Variants in CNTNAP2 observed in about 807,000 individuals in gnomAD.
CNTNAP2 encodes the protein contactin-associated protein-like 2.
A neutral mutation model predicts 155.2 loss-of-function variants in CNTNAP2; 98 were observed. The ratio of observed to expected loss-of-function variants is 0.63; its 90% CI spans 0.54 to 0.75. The LOEUF is 0.75. CNTNAP2 is among the 30% of genes least tolerant of loss of function. The probability of loss-of-function intolerance (pLI) is 0.00; values close to 1 mark genes in which losing one functional copy is unlikely to be tolerated. For missense variants in CNTNAP2, 1,727 were observed against 1,688.1 expected (o/e 1.02, Z -0.40); for synonymous variants, 651 against 631.2 (o/e 1.03, Z -0.47).
intron 14 of CNTNAP2, among the ~76,000 whole-genome samples, chr7:147,963,848 C>T (rs1168799598): frequency 6.6e-6 from 1 of 152,064 alleles, no homozygotes; most frequent in East Asian, 1.9e-4. Flanking sequence ...CACCCAGATC[C>T]CTTGCTTGGA....
intron 11 of CNTNAP2, among the ~76,000 whole-genome samples, chr7:147,556,084 G>A (rs191527377): frequency 2.0e-5 from 3 of 152,180 alleles, no homozygotes; most frequent in East Asian, 1.9e-4. Flanking sequence ...CTGTCACATC[G>A]TCTGCTTGGG....
chr7:148,292,067 A>G (rs1429846480), intron 21 of CNTNAP2, among the ~76,000 whole-genome samples: 1 of 152,216 alleles, frequency 6.6e-6, no homozygotes, highest in Non-Finnish European at 1.5e-5. Flanking sequence ...GTCCCAGATC[A>G]GCACTAGCTA....
At chr7:146,270,066 T>C (rs1800056191) in intron 1 of CNTNAP2, among the ~76,000 whole-genome samples, 1 of 152,184 alleles carries the variant, frequency 6.6e-6, no homozygotes, top group Admixed American at 6.5e-5. Flanking sequence ...ATTTTACTCT[T>C]ATTGGGACCA....
chr7:147,278,812 GTAA>G (rs1028608967), intron 8 of CNTNAP2, among the ~76,000 whole-genome samples: 5 of 151,096 alleles, frequency 3.3e-5, no homozygotes, highest in Non-Finnish European at 7.4e-5. Context: ...ATAATGTTAA[GTAA>G]TAAAACTTGC....
chr7:146,904,998 G>C (rs1796088249), intron 3 of CNTNAP2, among the ~76,000 whole-genome samples: 1 of 152,130 alleles, frequency 6.6e-6, no homozygotes, highest in Non-Finnish European at 1.5e-5. Flanking sequence ...CACCAGCCTA[G>C]TGTTCCTCAA....
intron 3 of CNTNAP2, among the ~76,000 whole-genome samples, chr7:146,923,575 T>C (rs1211572391): frequency 2.0e-5 from 3 of 152,104 alleles, no homozygotes; most frequent in African/African-American, 7.2e-5. Context: ...GAAAGAAAAA[T>C]TGAATTCCCT....
chr7:146,997,099 T>C (rs1798326841), intron 3 of CNTNAP2, among the ~76,000 whole-genome samples: 1 of 152,154 alleles, frequency 6.6e-6, no homozygotes, highest in Non-Finnish European at 1.5e-5. Context: ...GTCTCAGGTA[T>C]ATCTTTATCA....
At chr7:147,535,677 C>T (rs962900685) in intron 11 of CNTNAP2, among the ~76,000 whole-genome samples, 8 of 152,102 alleles carry the variant, frequency 5.3e-5, no homozygotes, top group African/African-American at 1.2e-4. Flanking sequence ...CCTGGCTCCT[C>T]GGTGTCTCTG....
intron 11 of CNTNAP2, among the ~76,000 whole-genome samples, chr7:147,501,831 A>G (rs1798819350): frequency 6.6e-6 from 1 of 152,176 alleles, no homozygotes. Flanking sequence ...AACCCTACAG[A>G]CTCCACCAAA....
chr7:146,492,689 A>G (rs1206979333), intron 1 of CNTNAP2, among the ~76,000 whole-genome samples: 1 of 152,180 alleles, frequency 6.6e-6, no homozygotes, highest in African/African-American at 2.4e-5. Context: ...CAGTTGCTTT[A>G]TCTGTTTTTA....
In CNTNAP2 at chr7:146,847,804, T is replaced by G. The variant is rs151005726; in HGVS notation, c.402+7900T>G. 6.6e-3 allele frequency among the ~76,000 whole-genome samples: 999 copies of G among 152,210 alleles called. 2 individuals carry two copies. Among genetic ancestry groups the G allele is most frequent in the South Asian group, 0.013 (62 of 4,822 alleles). On this transcript the variant is annotated intron_variant, in intron 3 of 23. Coordinates refer to ENST00000361727, the MANE Select transcript of CNTNAP2 (RefSeq NM_014141.6). ...TGGGCCTACTTATTATCACATCGAG[T>G]CCTATGCCTTGTCATATGAATTGTG...
intron 12 of CNTNAP2, among the ~76,000 whole-genome samples, chr7:147,594,014 G>A (rs760458836): frequency 6.6e-6 from 1 of 152,152 alleles, no homozygotes; most frequent in Non-Finnish European, 1.5e-5. Context: ...AGAGACAGAC[G>A]CAGGGGTTGG....
chr7:147,353,962 T>C (rs996273556), intron 9 of CNTNAP2, among the ~76,000 whole-genome samples: 2 of 137,744 alleles, frequency 1.5e-5, no homozygotes, highest in African/African-American at 5.7e-5. Flanking sequence ...TCTGTTCATA[T>C]CCTTCGCCCA....
At chr7:146,303,102 GTGT>G (rs1800642066) in intron 1 of CNTNAP2, among the ~76,000 whole-genome samples, 2 of 150,780 alleles carry the variant, frequency 1.3e-5, no homozygotes, top group African/African-American at 5.0e-5. Flanking sequence ...GTGTGTGTGT[GTGT>G]GTGCGCATGC....
intron 12 of CNTNAP2, among the ~76,000 whole-genome samples, chr7:147,589,903 C>A (rs1800705608): frequency 6.6e-6 from 1 of 152,122 alleles, no homozygotes; most frequent in South Asian, 2.1e-4. Flanking sequence ...GGACTTTCAC[C>A]AGCAGCGTGG....
intron 2 of CNTNAP2, among the ~76,000 whole-genome samples, chr7:146,831,405 G>A (rs1294382119): frequency 5.3e-5 from 8 of 152,038 alleles, no homozygotes; most frequent in South Asian, 2.1e-4. Flanking sequence ...CAGGCCAGGC[G>A]TGGTGGCTCA....
At chr7:147,030,864 A>G (rs1355604325) in intron 3 of CNTNAP2, among the ~76,000 whole-genome samples, 1 of 152,186 alleles carries the variant, frequency 6.6e-6, no homozygotes, top group East Asian at 1.9e-4. Flanking sequence ...AGCCTGGGCT[A>G]CAGCGCAAGA....
intron 13 of CNTNAP2, among the ~76,000 whole-genome samples, chr7:147,862,147 A>G (rs6979332): frequency 0.6 from 91,778 of 151,936 alleles, 28,062 homozygotes; most frequent in South Asian, 0.74. Context: ...AAAACCGACC[A>G]CATCCTTTTG....
chr7:147,977,356 A>G (rs1373562198), intron 14 of CNTNAP2, among the ~76,000 whole-genome samples: 1 of 152,236 alleles, frequency 6.6e-6, no homozygotes, highest in Non-Finnish European at 1.5e-5. Context: ...GAAACTTCAC[A>G]TAAACTGTTC....
Sources: gnomAD v4.1 joint callset for allele counts (sites outside exome capture counted in the v4.1 genomes callset) on GRCh38, gnomAD v4.1.1 for gene constraint, MANE v1.5 for transcripts, NCBI Gene and HGNC (gene_info 2026-07-23, HGNC 2026-07-21) for gene names.